KDM3B: variants seen among roughly 807,000 people sequenced by gnomAD.
The protein encoded by KDM3B is lysine demethylase 3B, also known as lysine-specific demethylase 3B.
A neutral mutation model predicts 170.0 loss-of-function variants in KDM3B; 10 were observed. That is an observed-to-expected ratio of 0.06 (90% CI 0.04 to 0.10). The LOEUF is 0.10. Ranked by LOEUF, KDM3B falls within the 10% of genes least tolerant of loss-of-function variation. The probability of loss-of-function intolerance (pLI) is 1.00; values close to 1 mark genes in which losing one functional copy is unlikely to be tolerated. For synonymous variants in KDM3B, 831 were observed against 834.8 expected (o/e 1.00, Z 0.08); for missense variants, 1,394 against 2,195.2 (o/e 0.64, Z 7.29).
At position 138,386,173 on chromosome 5, in the gene KDM3B, G is replaced by C; in HGVS notation, c.932G>C (p.Ser311Thr). 1 of 1,614,210 alleles carries C rather than the reference G, an allele frequency of 6.2e-7. No individual in the cohort carries two copies. Among genetic ancestry groups the C allele is most frequent in the Non-Finnish European group, 8.5e-7 (1 of 1,180,036 alleles). ...AAAGGAGACAGGGGTGAAGTAGACA[G>C]TAATGGGAGCGATGGAGGTGAGGCA... ...KLKGDRGEVD[S>T]NGSDGGEASR... Residue 311 changes from serine to threonine, a missense_variant, in exon 7 of 24, where the codon AGT (serine) becomes ACT (threonine). By Grantham distance (58) the Ser-to-Thr change is moderately conservative. Coordinates refer to ENST00000314358, the MANE Select transcript of KDM3B (RefSeq NM_016604.4).
chr5:138,369,876 A>T (rs994103999), intron 1 of KDM3B, among the ~76,000 whole-genome samples: 10 of 152,232 alleles, frequency 6.6e-5, no homozygotes, highest in African/African-American at 2.4e-4. Flanking sequence ...GGTAAGAAAG[A>T]TGTGTCATAT....
intron 2 of KDM3B, chr5:138,374,283 A>G: frequency 2.3e-6 from 1 of 440,994 alleles, no homozygotes; most frequent in Non-Finnish European, 4.6e-6. Context: ...TGTTGTTAAG[A>G]TGGAGTTTCG....
chr5:138,422,289 C>T (rs1404224440), intron 15 of KDM3B, among the ~76,000 whole-genome samples: 2 of 152,090 alleles, frequency 1.3e-5, no homozygotes, highest in Non-Finnish European at 2.9e-5. Context: ...TTGATCCAGT[C>T]ATGTTTAGTA....
At chr5:138,428,940 C>CTTTTTTTT (rs397884825) in intron 20 of KDM3B, among the ~76,000 whole-genome samples, 10 of 101,226 alleles carry the variant, frequency 9.9e-5, no homozygotes, top group Non-Finnish European at 1.5e-4. Context: ...GGGATAATTT[C>CTTTTTTTT]TTTTTTTTTT....
chr5:138,381,981 C>T (rs561775969), intron 6 of KDM3B, among the ~76,000 whole-genome samples: 10 of 148,772 alleles, frequency 6.7e-5, no homozygotes, highest in Non-Finnish European at 1.2e-4. Flanking sequence ...TTTTTCCATT[C>T]GGTGGCAGTG....
intron 1 of KDM3B, among the ~76,000 whole-genome samples, chr5:138,356,787 C>T (rs1580870023): frequency 1.3e-5 from 2 of 151,900 alleles, no homozygotes; most frequent in East Asian, 1.9e-4. Flanking sequence ...GGACTACAGG[C>T]GTGTGCCACC....
chr5:138,429,536 G>A (rs561277930), intron 20 of KDM3B, among the ~76,000 whole-genome samples: 11 of 152,262 alleles, frequency 7.2e-5, no homozygotes, highest in South Asian at 6.2e-4. Context: ...TACTTGTAGC[G>A]GAAGATAACC....
chr5:138,391,850 A>G lies in KDM3B; in HGVS notation c.2218A>G (p.Thr740Ala), dbSNP rs202145109. ...SSLTQPIEMPTLSSSPTEERP... is the reference protein window; with the variant it reads ...SSLTQPIEMPALSSSPTEERP... ...CCTCACTCAGCCCATTGAGATGCCA[A>G]CTCTCTCCTCTAGCCCCACAGAGGA... Residue 740 changes from threonine (T) to alanine (A), a missense_variant, in exon 8 of 24, where the codon ACT becomes GCT. Around this residue, in one of 19 missense-constraint regions of KDM3B, gnomAD observed 294 missense variants for 311.7 expected, o/e 0.94. Coordinates refer to ENST00000314358, the MANE Select transcript of KDM3B (RefSeq NM_016604.4). This position sits in a 1 kb window ranked among gnomAD's most constrained non-coding sequence, Gnocchi z 5.0. 6 of 1,613,808 alleles carry G rather than the reference A, an allele frequency of 3.7e-6. No homozygotes were observed. Among genetic ancestry groups the G allele is most frequent in the South Asian group, 1.1e-5 (1 of 91,046 alleles).
At chr5:138,364,987 G>T (rs893007624) in intron 1 of KDM3B, among the ~76,000 whole-genome samples, 3 of 152,184 alleles carry the variant, frequency 2.0e-5, no homozygotes, top group Admixed American at 1.3e-4. Flanking sequence ...GAGAATCAAA[G>T]AAACTGTAAA....
intron 8 of KDM3B, among the ~76,000 whole-genome samples, 160 bp downstream of exon 8, chr5:138,392,421 G>A (rs1364387463): frequency 6.6e-6 from 1 of 152,250 alleles, no homozygotes; most frequent in Non-Finnish European, 1.5e-5. Flanking sequence ...GTCAGGCCTG[G>A]TTCAGGGCAG....
At chr5:138,401,799 T>G (rs1318739616) in intron 11 of KDM3B, among the ~76,000 whole-genome samples, 1 of 152,226 alleles carries the variant, frequency 6.6e-6, no homozygotes, top group East Asian at 1.9e-4. Context: ...TTGTCTTTTT[T>G]GTTATAGCCA....
chr5:138,397,023 A>G (rs746320579), intron 9 of KDM3B, among the ~76,000 whole-genome samples: 1 of 152,034 alleles, frequency 6.6e-6, no homozygotes, highest in Non-Finnish European at 1.5e-5. Flanking sequence ...CTGTCTCTAC[A>G]AACAGTTTTA....
At chr5:138,360,725 C>T (rs1283667267) in intron 1 of KDM3B, among the ~76,000 whole-genome samples, 1 of 151,954 alleles carries the variant, frequency 6.6e-6, no homozygotes. Flanking sequence ...GCAAGTAACT[C>T]GGATTACAGG....
At position 138,435,756 on chromosome 5, in the gene KDM3B, A is replaced by C; in HGVS notation, c.*56A>C. ...GCAGGTCTTTCACTCACAACACTTA[A>C]CAGGGAACGGCAGGGCTCTTTGCTG... is the stretch of plus-strand genomic sequence containing the variant. On this transcript the variant is annotated 3_prime_UTR_variant, in exon 24 of 24. Coordinates refer to ENST00000314358, the MANE Select transcript of KDM3B (RefSeq NM_016604.4). 1.5e-6 allele frequency: 2 copies of C among 1,347,442 alleles called. No homozygotes were observed. The highest frequency in any genetic ancestry group is 2.1e-6 in the Non-Finnish European group (2 of 951,548). 83.5% of individuals were successfully genotyped at this position (1,347,442 alleles called of 1,614,324 possible). A position where few individuals can be genotyped will look rare whatever the true frequency, so the allele number is the denominator to read the frequency against.
At chr5:138,378,719 T>C (rs1762056473) in intron 4 of KDM3B, among the ~76,000 whole-genome samples, 1 of 151,144 alleles carries the variant, frequency 6.6e-6, no homozygotes. Context: ...AGAAAGAATA[T>C]GAGGAAAATT....
At chr5:138,374,313 A>G in intron 2 of KDM3B, 1 of 442,146 alleles carries the variant, frequency 2.3e-6, no homozygotes, top group African/African-American at 2.0e-5. Context: ...CTCAGGCTGG[A>G]GTGCAATGGC....
At chr5:138,365,353 G>A (rs892773273) in intron 1 of KDM3B, among the ~76,000 whole-genome samples, 2 of 152,090 alleles carry the variant, frequency 1.3e-5, no homozygotes, top group African/African-American at 4.8e-5. Flanking sequence ...TGCCTCCGGG[G>A]TTCAAGCGAT....
At chr5:138,354,850 T>C (rs141726248) in intron 1 of KDM3B, among the ~76,000 whole-genome samples, 95 of 152,372 alleles carry the variant, frequency 6.2e-4, no homozygotes, top group Admixed American at 9.8e-4. Context: ...TATGCTTGTC[T>C]TACATGTATA....
intron 11 of KDM3B, among the ~76,000 whole-genome samples, chr5:138,405,046 ATTT>A (rs145119422): frequency 7.9e-6 from 1 of 126,736 alleles, no homozygotes; most frequent in Admixed American, 7.9e-5. Context: ...CAGCCTACAA[ATTT>A]TTTTTTTTTT....
Sources: allele counts gnomAD v4.1 joint callset (sites outside exome capture counted in the v4.1 genomes callset), GRCh38; gene constraint gnomAD v4.1.1; regional missense constraint gnomAD v4.1.1; non-coding constraint Gnocchi (gnomAD v3.1); transcripts MANE v1.5; gene names NCBI Gene and HGNC (gene_info 2026-07-23, HGNC 2026-07-21).